The following LRP1B variants were observed in gnomAD, a reference collection of about 807,000 sequenced individuals.
LRP1B encodes the protein low-density lipoprotein receptor-related protein 1B.
LRP1B carries 217 observed loss-of-function variants against 556.6 expected under a neutral mutation model. That is an observed-to-expected ratio of 0.39 (90% CI 0.35 to 0.44). LRP1B has a LOEUF of 0.44. LRP1B is among the 20% of genes least tolerant of loss of function. The pLI, the probability that LRP1B is intolerant of heterozygous loss-of-function variation, is 1.00. For missense variants in LRP1B, 5,053 were observed against 5,620.8 expected (o/e 0.90, Z 3.23); for synonymous variants, 2,047 against 1,865.8 (o/e 1.10, Z -2.50).
chr2:140,565,643 C>G (rs200885966), intron 43 of LRP1B, among the ~76,000 whole-genome samples: 1 of 152,110 alleles, frequency 6.6e-6, no homozygotes, highest in East Asian at 1.9e-4. Flanking sequence ...CATTTCCCAA[C>G]AAAAACAGCC....
At chr2:141,264,559 A>G (rs546898874) in intron 3 of LRP1B, among the ~76,000 whole-genome samples, 1 of 152,100 alleles carries the variant, frequency 6.6e-6, no homozygotes, top group Non-Finnish European at 1.5e-5. Flanking sequence ...GCTTCAAGCA[A>G]TTCTCCTGCC....
intron 11 of LRP1B, among the ~76,000 whole-genome samples, chr2:141,032,212 C>A (rs1479394711): frequency 3.3e-5 from 5 of 152,072 alleles, no homozygotes; most frequent in African/African-American, 1.2e-4. Context: ...GTATATATAG[C>A]TCTACCTCAT....
intron 5 of LRP1B, among the ~76,000 whole-genome samples, chr2:141,237,353 G>GGTTTTTTTTTTTTTTTTT (rs398039112): frequency 4.3e-5 from 4 of 93,636 alleles, no homozygotes; most frequent in Non-Finnish European, 4.6e-5. Flanking sequence ...GTGTTCTAGT[G>GGTTTTTTTTTTTTTTTTT]TTTTTTTTTT....
chr2:141,497,635 C>T (rs1683555511), intron 2 of LRP1B, among the ~76,000 whole-genome samples: 1 of 152,000 alleles, frequency 6.6e-6, no homozygotes, highest in Non-Finnish European at 1.5e-5. Context: ...TTTGGCCAAA[C>T]TTCTCTTTAA....
chr2:140,762,046 T>A (rs1004526660), intron 35 of LRP1B, among the ~76,000 whole-genome samples: 5 of 152,086 alleles, frequency 3.3e-5, no homozygotes, highest in African/African-American at 1.2e-4. Context: ...AGCTGTGCCA[T>A]GAGTCTTCTG....
intron 3 of LRP1B, among the ~76,000 whole-genome samples, chr2:141,348,069 G>T (rs1453373543): frequency 2.6e-5 from 4 of 151,950 alleles, no homozygotes; most frequent in Non-Finnish European, 5.9e-5. Flanking sequence ...AACTAAAATG[G>T]TCACATACAT....
intron 3 of LRP1B, among the ~76,000 whole-genome samples, chr2:141,264,699 C>A (rs1174939698): frequency 6.6e-6 from 1 of 152,218 alleles, no homozygotes; most frequent in East Asian, 1.9e-4. Context: ...AAGTGATCCA[C>A]CTGCCTTGGC....
intron 41 of LRP1B, among the ~76,000 whole-genome samples, chr2:140,675,976 A>G (rs1047271764): frequency 6.6e-6 from 1 of 152,036 alleles, no homozygotes; most frequent in Non-Finnish European, 1.5e-5. Context: ...AAGAAAAAAA[A>G]TACAGAGAAG....
At chr2:141,147,352 C>T (rs1701810838) in intron 7 of LRP1B, among the ~76,000 whole-genome samples, 1 of 152,110 alleles carries the variant, frequency 6.6e-6, no homozygotes, top group African/African-American at 2.4e-5. Context: ...GACCCTGATA[C>T]AAGAGCTGAT....
At chr2:141,762,369 A>G (rs903793943) in intron 2 of LRP1B, among the ~76,000 whole-genome samples, 2 of 152,090 alleles carry the variant, frequency 1.3e-5, no homozygotes, top group Admixed American at 1.3e-4. Flanking sequence ...GGGAGGGGTA[A>G]GCAAAAGATG....
chr2:141,645,990 G>A (rs1284217265), intron 2 of LRP1B, among the ~76,000 whole-genome samples: 1 of 152,016 alleles, frequency 6.6e-6, no homozygotes, highest in Non-Finnish European at 1.5e-5. Context: ...CAACCCCACA[G>A]GATTTAAACT....
Position 141,647,371 on chromosome 2 carries a change from CAGG to C in LRP1B, c.205+162905_205+162907del, listed in dbSNP as rs527573955. On this transcript the variant is annotated intron_variant, in intron 2 of 90. Transcript: ENST00000389484. ...ATAAGATAGAGGAAGCGTTTTCCAC[CAGG>C]AGAAATTGTCTATTGTTTAAGTCAC... 9.0e-4 allele frequency among the ~76,000 whole-genome samples: 137 copies of C among 152,248 alleles called. 1 individual carries two copies. Among genetic ancestry groups the C allele is most frequent in the African/African-American group, 2.9e-3 (122 of 41,546 alleles).
chr2:141,799,193 C>T (rs1043426764), intron 2 of LRP1B, among the ~76,000 whole-genome samples: 3 of 152,168 alleles, frequency 2.0e-5, no homozygotes, highest in Admixed American at 6.5e-5. Flanking sequence ...GACCCTCACC[C>T]TTGTCTAACC....
intron 2 of LRP1B, among the ~76,000 whole-genome samples, chr2:141,525,975 T>C (rs1298775972): frequency 6.6e-6 from 1 of 152,100 alleles, no homozygotes; most frequent in Non-Finnish European, 1.5e-5. Context: ...CTAAGTCATT[T>C]AATCTTCATA....
At chr2:141,162,924 T>C (rs1276930326) in intron 7 of LRP1B, among the ~76,000 whole-genome samples, 1 of 152,122 alleles carries the variant, frequency 6.6e-6, no homozygotes, top group African/African-American at 2.4e-5. Context: ...TTGAGCAAAC[T>C]AAATCTTGTT....
intron 43 of LRP1B, among the ~76,000 whole-genome samples, chr2:140,569,844 T>G (rs1035060488): frequency 1.3e-5 from 2 of 152,024 alleles, no homozygotes; most frequent in East Asian, 1.9e-4. Context: ...ATACCAAGTA[T>G]ATTTTTTAAC....
At chr2:141,293,458 A>G (rs556808166) in intron 3 of LRP1B, among the ~76,000 whole-genome samples, 6 of 152,324 alleles carry the variant, frequency 3.9e-5, no homozygotes, top group Admixed American at 2.0e-4. Flanking sequence ...AAGAGCTGCT[A>G]TAAGAATCAG....
intron 7 of LRP1B, among the ~76,000 whole-genome samples, chr2:141,146,548 C>A (rs1024413574): frequency 6.6e-6 from 1 of 152,118 alleles, no homozygotes; most frequent in African/African-American, 2.4e-5. Flanking sequence ...TCTTACTTCA[C>A]AAATGTATCA....
At chr2:140,861,018 CTATCTATCTAATT>C (rs1331433870) in intron 27 of LRP1B, among the ~76,000 whole-genome samples, 12 of 147,064 alleles carry the variant, frequency 8.2e-5, no homozygotes, top group East Asian at 7.8e-4. Context: ...ATCTATCTAT[CTATCTATCTAATT>C]TATCTAATTT....
Sources: allele counts gnomAD v4.1 joint callset (sites outside exome capture counted in the v4.1 genomes callset), GRCh38; gene constraint gnomAD v4.1.1; transcripts MANE v1.5; gene names NCBI Gene and HGNC (gene_info 2026-07-23, HGNC 2026-07-21).